Variants in ZNF541 observed in about 807,000 individuals in gnomAD.
The protein encoded by ZNF541 is zinc finger protein 541.
Under a neutral mutation model 123.5 loss-of-function variants are expected in ZNF541, and 23 were observed. That is an observed-to-expected ratio of 0.19 (90% confidence interval 0.13 to 0.26). The LOEUF is 0.26. Ranked by LOEUF, ZNF541 falls within the 10% of genes least tolerant of loss-of-function variation. The pLI is 1.00. For missense variants in ZNF541, 1,612 were observed against 1,789.9 expected (o/e 0.90, Z 1.79); for synonymous variants, 751 against 754.5 (o/e 1.00, Z 0.08).
intron 2 of ZNF541, among the ~76,000 whole-genome samples, chr19:47,569,582 G>A (rs1971400378): frequency 6.6e-6 from 1 of 152,104 alleles, no homozygotes. Flanking sequence ...AAGACTTCCA[G>A]CTGGGCAAGG....
rs1189988129 is a variant in ZNF541 at position 47,521,036 on chromosome 19, C to T, written c.*188G>A. ...CTCCAGCACCACCGGACAGGGACTG[C>T]ATAGCTGTCCGACAACTGAGCTCCT... On this transcript the variant is annotated 3_prime_UTR_variant, in exon 17 of 17. Transcript: ENST00000391901. This position sits in a 1 kb window ranked among gnomAD's most constrained non-coding sequence, Gnocchi z 4.2. 1.5e-6 allele frequency: 1 copy of T among 653,756 alleles called. No individual in the cohort carries two copies. Among genetic ancestry groups the T allele is most frequent in the Admixed American group, 2.9e-5 (1 of 34,314 alleles). 40.5% of individuals were successfully genotyped at this position (653,756 alleles called of 1,614,324 possible).
At chr19:47,559,216 C>T (rs1184093246) in intron 2 of ZNF541, among the ~76,000 whole-genome samples, 2 of 150,812 alleles carry the variant, frequency 1.3e-5, no homozygotes, top group Admixed American at 1.3e-4. Context: ...ACTAAAAATA[C>T]AAAAACTTAG....
At chr19:47,550,623 A>C (rs1970559144) in intron 3 of ZNF541, among the ~76,000 whole-genome samples, 2 of 152,202 alleles carry the variant, frequency 1.3e-5, no homozygotes, top group South Asian at 4.1e-4. Context: ...TTCAGTTTGG[A>C]GAGGTCAGAC....
At chr19:47,538,831 T>C (rs1477293776) in intron 8 of ZNF541, among the ~76,000 whole-genome samples, 1 of 152,208 alleles carries the variant, frequency 6.6e-6, no homozygotes, top group Non-Finnish European at 1.5e-5. Context: ...GTCCACGGAC[T>C]GTGTCCCCGA....
chr19:47,539,842 C>T lies in ZNF541; in HGVS notation c.2659G>A (p.Val887Met). Residue 887 changes from valine (V) to methionine (M), a missense_variant, in exon 8 of 17, where the codon GTG becomes ATG. This residue lies in a region of ZNF541 where 1,080 missense variants were observed against 1,013.8 expected (regional missense o/e 1.07). Transcript: ENST00000391901. Reference sequence around the variant, plus strand: ...TGCCTGTCCCCTTCTGGCCTCAGCACCTGTCTTAGCGGCTTGCAAAACTCT... The same window carrying T: ...TGCCTGTCCCCTTCTGGCCTCAGCATCTGTCTTAGCGGCTTGCAAAACTCT... ...GTEFCKPLRQ[V>M]LRPEGDRHSP... 1 of 1,513,604 alleles carries T rather than the reference C, an allele frequency of 6.6e-7. No homozygotes were observed. Among genetic ancestry groups the T allele is most frequent in the Non-Finnish European group, 8.8e-7 (1 of 1,136,534 alleles). The allele number at this position is 1,513,604 out of a possible 1,614,324, so 93.8% of individuals were successfully genotyped here.
At chr19:47,552,912 C>A (rs1970666047) in intron 3 of ZNF541, among the ~76,000 whole-genome samples, 1 of 151,396 alleles carries the variant, frequency 6.6e-6, no homozygotes, top group South Asian at 2.1e-4. Flanking sequence ...AGTTTGAGAC[C>A]AGTCTGGCCA....
intron 3 of ZNF541, among the ~76,000 whole-genome samples, chr19:47,554,790 G>A (rs1970744274): frequency 6.6e-6 from 1 of 152,138 alleles, no homozygotes; most frequent in African/African-American, 2.4e-5. Context: ...TGAGTGTTCT[G>A]TTTCCTTTAC....
intron 2 of ZNF541, among the ~76,000 whole-genome samples, chr19:47,567,059 A>G (rs2123414182): frequency 6.6e-6 from 1 of 151,854 alleles, no homozygotes; most frequent in South Asian, 2.1e-4. Context: ...TCAAAAATAA[A>G]TAAATAAATA....
At chr19:47,546,124 C>T (rs1360549121) in intron 4 of ZNF541, 144 bp from the exon 5 acceptor site, 1 of 626,822 alleles carries the variant, frequency 1.6e-6, no homozygotes, top group African/African-American at 1.9e-5. Context: ...GAAAGACCAC[C>T]CAGCAAACCC....
At chr19:47,542,591 G>T (rs1032636730) in intron 5 of ZNF541, among the ~76,000 whole-genome samples, 1 of 152,096 alleles carries the variant, frequency 6.6e-6, no homozygotes, top group Admixed American at 6.6e-5. Flanking sequence ...GGCAGAGGCT[G>T]CAGTAAGCCA....
At position 47,544,794 on chromosome 19, in the gene ZNF541, G is replaced by T. The variant is rs1272321244; in HGVS notation, c.1735C>A (p.Gln579Lys). Reference sequence around the variant, plus strand: ...GGTTTGCCCTCGGGCGCAGGGAGCTGGGAGGAGACTGCTGCCACCTGGGCA... The same window carrying T: ...GGTTTGCCCTCGGGCGCAGGGAGCTTGGAGGAGACTGCTGCCACCTGGGCA... The part of the protein sequence containing the change: ...SHAQVAAVSS[Q>K]LPAPEGKPAA... Residue 579 changes from glutamine (Q) to lysine (K), a missense_variant, in exon 5 of 17, where the codon CAG becomes AAG. By Grantham distance (53) the Gln-to-Lys change is moderately conservative. Coordinates refer to ENST00000391901, the MANE Select transcript of ZNF541 (RefSeq NM_001277075.3). 2 of 1,526,912 alleles carry T rather than the reference G, an allele frequency of 1.3e-6. No individual in the cohort carries two copies. Among genetic ancestry groups the T allele is most frequent in the Admixed American group, 2.0e-5 (1 of 50,396 alleles). The allele number at this position is 1,526,912 out of a possible 1,614,324, so 94.6% of individuals were successfully genotyped here. A position where few individuals can be genotyped will look rare whatever the true frequency, so the allele number is the denominator to read the frequency against.
At chr19:47,565,902 C>T (rs1015530806) in intron 2 of ZNF541, among the ~76,000 whole-genome samples, 1 of 152,132 alleles carries the variant, frequency 6.6e-6, no homozygotes, top group Non-Finnish European at 1.5e-5. Flanking sequence ...ATCAGCCCAG[C>T]GCAGTGGCTC....
At chr19:47,564,810 A>AAAGAAG (rs1187404403) in intron 2 of ZNF541, among the ~76,000 whole-genome samples, 3 of 152,220 alleles carry the variant, frequency 2.0e-5, no homozygotes, top group Admixed American at 1.3e-4. Flanking sequence ...ACTCCTGGGT[A>AAAGAAG]TCTACCCAGA....
At chr19:47,561,452 A>G (rs946709614) in intron 2 of ZNF541, among the ~76,000 whole-genome samples, 2 of 152,000 alleles carry the variant, frequency 1.3e-5, no homozygotes, top group African/African-American at 4.8e-5. Context: ...TAATTAATTA[A>G]TTAAGTATTA....
intron 9 of ZNF541, among the ~76,000 whole-genome samples, chr19:47,534,515 G>A (rs1017013629): frequency 6.6e-6 from 1 of 152,036 alleles, no homozygotes; most frequent in East Asian, 1.9e-4. Context: ...GCCTGGTGTG[G>A]TGGTGTACCC....
rs147774355 is a variant in ZNF541 at position 47,555,745 on chromosome 19, C to G, written c.112G>C (p.Gly38Arg). ...TAAAGAAAGCCTCGCGTGTTGGGAC[C>G]CAAATCCCGGTTGAGGGTGTCGCTG... is the stretch of plus-strand genomic sequence containing the variant. Reference protein sequence around the residue: ...NCSDTLNRDLGPNTRGFLYAG... With the variant: ...NCSDTLNRDLRPNTRGFLYAG... The change falls in exon 3 of 17, where the codon GGT (glycine) becomes CGT (arginine). Residue 38 changes from glycine (G) to arginine (R), a missense_variant. Gly to Arg is a moderately radical substitution (Grantham distance 125). Transcript: ENST00000391901. The G allele has an allele frequency of 1.6e-4, 246 of 1,551,708 alleles. No homozygotes were observed. In the African/African-American group the frequency reaches 3.0e-3, roughly 19 times the overall value.
chr19:47,532,301 A>G (rs1969609635), intron 10 of ZNF541, 31 bp from the exon 11 acceptor site: 10 of 1,548,696 alleles, frequency 6.5e-6, no homozygotes, highest in Non-Finnish European at 8.7e-6. Context: ...GATAAGGGAG[A>G]CGTACAAACA....
At chr19:47,542,559 G>A (rs1352750945) in intron 5 of ZNF541, among the ~76,000 whole-genome samples, 1 of 152,042 alleles carries the variant, frequency 6.6e-6, no homozygotes, top group Non-Finnish European at 1.5e-5. Flanking sequence ...GGCCCAGGCA[G>A]GAGAATTGCT....
At chr19:47,539,668 G>A in intron 8 of ZNF541, 37 bp downstream of exon 8, 1 of 1,377,568 alleles carries the variant, frequency 7.3e-7, no homozygotes, top group Non-Finnish European at 9.4e-7. Context: ...GCAGCTGCGG[G>A]CAGTGGCAGG....
Sources: allele counts gnomAD v4.1 joint callset (sites outside exome capture counted in the v4.1 genomes callset), GRCh38; gene constraint gnomAD v4.1.1; regional missense constraint gnomAD v4.1.1; non-coding constraint Gnocchi (gnomAD v3.1); transcripts MANE v1.5; gene names NCBI Gene and HGNC (gene_info 2026-07-23, HGNC 2026-07-21).